Variants in DDX1 observed in about 807,000 individuals in gnomAD.
DDX1 encodes DEAD-box helicase 1, also known as ATP-dependent RNA helicase DDX1.
A neutral mutation model predicts 108.7 loss-of-function variants in DDX1; 28 were observed. That is an observed-to-expected ratio of 0.26 (90% CI 0.19 to 0.35). The LOEUF (loss-of-function observed/expected upper bound fraction) is 0.35, where lower values mean the gene tolerates loss of function less well. Ranked by LOEUF, DDX1 falls within the 10% of genes least tolerant of loss-of-function variation. The pLI is 1.00. For synonymous variants in DDX1, 295 were observed against 288.9 expected, an observed-to-expected ratio of 1.02 and a Z score of -0.21; for missense variants, 710 against 884.5, an observed-to-expected ratio of 0.80 and a Z score of 2.50.
At chr2:15,604,582 C>T (rs894003949) in intron 10 of DDX1, 73 bp downstream of exon 10, 1 of 1,016,942 alleles carries the variant, frequency 9.8e-7, no homozygotes, top group Admixed American at 1.8e-5. Context: ...AAAATCCCCC[C>T]ACCCTGTTTT....
chr2:15,615,967 A>T (rs905144412), intron 14 of DDX1, among the ~76,000 whole-genome samples: 1 of 151,964 alleles, frequency 6.6e-6, no homozygotes, highest in African/African-American at 2.4e-5. Flanking sequence ...ATCTCAGCTC[A>T]CTGCAACGTC....
At chr2:15,604,580 C>G in intron 10 of DDX1, 71 bp downstream of exon 10, 1 of 1,028,194 alleles carries the variant, frequency 9.7e-7, no homozygotes, top group South Asian at 1.3e-5. Flanking sequence ...TAAAAATCCC[C>G]CCACCCTGTT....
intron 16 of DDX1, among the ~76,000 whole-genome samples, chr2:15,619,812 G>A (rs1176740169): frequency 6.6e-6 from 1 of 152,160 alleles, no homozygotes; most frequent in African/African-American, 2.4e-5. Flanking sequence ...ACTGTTGCCT[G>A]TTCGAAGGAA....
At chr2:15,623,062 A>C (rs1384364507) in intron 18 of DDX1, among the ~76,000 whole-genome samples, 1 of 152,180 alleles carries the variant, frequency 6.6e-6, no homozygotes, top group African/African-American at 2.4e-5. Context: ...TTTATTGAGC[A>C]TTTAGGGAAG....
chr2:15,603,390 T>G, intron 8 of DDX1, 115 bp downstream of exon 8: 13 of 742,754 alleles, frequency 1.8e-5, no homozygotes, highest in Non-Finnish European at 1.6e-5. Flanking sequence ...TTTAAAGACA[T>G]GGAAACAATA....
In DDX1 at chr2:15,605,937, CTT is replaced by C. The variant is rs140636406; in HGVS notation, c.626-12_626-11del. ...TGATTGTTTTAATCTCTCTCTCTCT[CTT>C]GTTTTTTAAGGAAAAGATCTTGGTC... On this transcript the variant is annotated splice_polypyrimidine_tract_variant and intron_variant, in intron 10 of 25. Transcript: ENST00000233084. The C allele has an allele frequency of 0.012, 17,750 of 1,530,490 alleles. 158 individuals are homozygous for C. Among genetic ancestry groups the C allele is most frequent in the Middle Eastern group, 0.014 (80 of 5,642 alleles). 94.8% of individuals were successfully genotyped at this position (1,530,490 alleles called of 1,614,324 possible). A position where few individuals can be genotyped will look rare whatever the true frequency, so the allele number is the denominator to read the frequency against.
At chr2:15,599,783 C>A in intron 6 of DDX1, 67 bp downstream of exon 6, 1 of 1,108,926 alleles carries the variant, frequency 9.0e-7, no homozygotes, top group Non-Finnish European at 1.3e-6. Context: ...TACATGAGAA[C>A]ACCAAGTAAA....
chr2:15,596,286 G>A (rs1325190978), intron 3 of DDX1, among the ~76,000 whole-genome samples: 2 of 152,174 alleles, frequency 1.3e-5, no homozygotes, highest in Non-Finnish European at 2.9e-5. Context: ...CAGTTGGTTG[G>A]TAGCATAAAA....
At position 15,628,453 on chromosome 2, in the gene DDX1, T is replaced by C; in HGVS notation, c.1695T>C (p.Asp565=). The C allele has an allele frequency of 6.2e-7, 1 of 1,611,742 alleles. No individual in the cohort carries two copies. Among genetic ancestry groups the C allele is most frequent in the South Asian group, 1.1e-5 (1 of 91,036 alleles). ...TTCACTGTTCTCTTTAGAAAGGAGA[T>C]GTAAGATTCTTGATTTGCACAGATG... ...KQNLERFKKG[D]VRFLICTDVA... The change falls in exon 21 of 26, where the codon GAT becomes GAC. Residue 565 remains aspartate, a synonymous_variant. Coordinates refer to ENST00000233084, the MANE Select transcript of DDX1 (RefSeq NM_004939.3).
Position 15,627,049 on chromosome 2 carries a change from A to G in DDX1, c.1595-5A>G, listed in dbSNP as rs1573052268. ...AGGTTAAATGCTTAATGTGCTTTTC[A>G]CTAGGACCTGATAAAAAAGGACACC... On this transcript the variant is annotated splice_polypyrimidine_tract_variant and splice_region_variant and intron_variant, in intron 19 of 25. Transcript: ENST00000233084. 1.9e-6 allele frequency: 3 copies of G among 1,599,578 alleles called. No individual in the cohort carries two copies. Among genetic ancestry groups the G allele is most frequent in the Non-Finnish European group, 2.6e-6 (3 of 1,170,506 alleles).
intron 13 of DDX1, among the ~76,000 whole-genome samples, chr2:15,611,639 G>A (rs1438335908): frequency 1.7e-5 from 2 of 117,198 alleles, no homozygotes; most frequent in African/African-American, 4.4e-5. Context: ...AGGGGTGGCC[G>A]GGCAGAGGCA....
At chr2:15,613,562 GTCATTCTTTTTGGGGAGAT>G (rs1665838750) in intron 14 of DDX1, among the ~76,000 whole-genome samples, 1 of 152,196 alleles carries the variant, frequency 6.6e-6, no homozygotes, top group African/African-American at 2.4e-5. Context: ...TGGGTAAAGA[GTCATTCTTTTTGGGGAGAT>G]AAGTGAAAAA....
At chr2:15,615,747 A>G (rs576084251) in intron 14 of DDX1, among the ~76,000 whole-genome samples, 1 of 152,310 alleles carries the variant, frequency 6.6e-6, no homozygotes, top group South Asian at 2.1e-4. Flanking sequence ...GAAAACAGGT[A>G]AAAAAGAATG....
At position 15,627,157 on chromosome 2, in the gene DDX1, T is replaced by C. The variant is rs773436586; in HGVS notation, c.1686+12T>C. 4.0e-6 allele frequency: 6 copies of C among 1,484,874 alleles called. No individual in the cohort carries two copies. The highest frequency in any genetic ancestry group is 5.6e-6 in the Non-Finnish European group (6 of 1,069,830). 92.0% of individuals were successfully genotyped at this position (1,484,874 alleles called of 1,614,324 possible). A position where few individuals can be genotyped will look rare whatever the true frequency, so the allele number is the denominator to read the frequency against. On this transcript the variant is annotated intron_variant, in intron 20 of 25. Transcript: ENST00000233084. ...TGGAAAGATTTAAGGTACTGATACA[T>C]AGTTGATTGTTTCCTTAATACTTAA... is the stretch of plus-strand genomic sequence containing the variant.
At chr2:15,624,313 C>T (rs1368574174) in intron 19 of DDX1, among the ~76,000 whole-genome samples, 2 of 152,104 alleles carry the variant, frequency 1.3e-5, no homozygotes, top group African/African-American at 4.8e-5. Flanking sequence ...AATATCCAAG[C>T]TACAATGGAA....
intron 9 of DDX1, 56 bp downstream of exon 9, chr2:15,603,946 A>G (rs1483796959): frequency 1.8e-6 from 2 of 1,133,534 alleles, no homozygotes; most frequent in East Asian, 2.4e-5. Flanking sequence ...TTGCATACTT[A>G]ATCACTCATG....
intron 13 of DDX1, among the ~76,000 whole-genome samples, chr2:15,611,771 G>A (rs1381935720): frequency 3.9e-3 from 395 of 102,386 alleles, no homozygotes; most frequent in African/African-American, 0.019. Flanking sequence ...GGACGGGGTG[G>A]CTGGCCGGGC....
At chr2:15,619,950 A>G (rs572981641) in intron 16 of DDX1, among the ~76,000 whole-genome samples, 1 of 152,324 alleles carries the variant, frequency 6.6e-6, no homozygotes, top group Admixed American at 6.5e-5. Flanking sequence ...TTTGGCTTAC[A>G]AAAATGACTC....
At chr2:15,627,862 C>G (rs1666127384) in intron 20 of DDX1, among the ~76,000 whole-genome samples, 2 of 152,184 alleles carry the variant, frequency 1.3e-5, no homozygotes, top group Non-Finnish European at 2.9e-5. Context: ...CTACCCTTCT[C>G]AACCGTAGGC....
Sources: gnomAD v4.1 joint callset for allele counts (sites outside exome capture counted in the v4.1 genomes callset) on GRCh38, gnomAD v4.1.1 for gene constraint, MANE v1.5 for transcripts, NCBI Gene and HGNC (gene_info 2026-07-23, HGNC 2026-07-21) for gene names.